The following WDR70 variants were observed in gnomAD, a reference collection of about 807,000 sequenced individuals.
The protein encoded by WDR70 is WD repeat domain 70.
A neutral mutation model predicts 88.6 loss-of-function variants in WDR70; 53 were observed. The ratio of observed to expected loss-of-function variants is 0.60; its 90% CI spans 0.48 to 0.75. The LOEUF is 0.75. Ranked by LOEUF, WDR70 falls within the 30% of genes least tolerant of loss-of-function variation. The pLI, the probability that WDR70 is intolerant of heterozygous loss-of-function variation, is 0.00. For synonymous variants in WDR70, 280 were observed against 270.0 expected (o/e 1.04, Z -0.36); for missense variants, 610 against 823.2 (o/e 0.74, Z 3.17).
chr5:37,660,393 TGA>T (rs1352679720), intron 10 of WDR70, among the ~76,000 whole-genome samples: 2 of 152,066 alleles, frequency 1.3e-5, no homozygotes, highest in East Asian at 1.9e-4. Context: ...TATCAATTAC[TGA>T]GAGAGGAATA....
chr5:37,450,975 C>T (rs535470124), intron 7 of WDR70, among the ~76,000 whole-genome samples: 17 of 152,070 alleles, frequency 1.1e-4, no homozygotes, highest in South Asian at 4.2e-4. Context: ...CTCGGCTCAC[C>T]GCAACCTCCA....
chr5:37,680,449 C>T (rs1278350337), intron 10 of WDR70, among the ~76,000 whole-genome samples: 4 of 152,078 alleles, frequency 2.6e-5, no homozygotes, highest in Non-Finnish European at 5.9e-5. Context: ...TTGCTTTTGG[C>T]ATGTTCATCA....
At chr5:37,603,031 A>G (rs1325425154) in intron 9 of WDR70, among the ~76,000 whole-genome samples, 4 of 152,198 alleles carry the variant, frequency 2.6e-5, no homozygotes, top group Admixed American at 6.5e-5. Context: ...TTCCATGTCC[A>G]TGGATTAGAA....
At chr5:37,701,030 CT>C (rs750429562) in intron 11 of WDR70, 27 bp from the exon 12 acceptor site, 146 of 1,457,080 alleles carry the variant, frequency 1.0e-4, no homozygotes, top group Non-Finnish European at 1.2e-4. Context: ...ACTTTTCTGT[CT>C]TTTTTTTCCC....
chr5:37,441,060 G>A (rs1239047452), intron 6 of WDR70, among the ~76,000 whole-genome samples: 3 of 152,202 alleles, frequency 2.0e-5, no homozygotes. Flanking sequence ...CACAAATGGA[G>A]TTGTAATTTT....
intron 5 of WDR70, among the ~76,000 whole-genome samples, chr5:37,402,944 G>GTTTTTTTTTTTTT (rs5867348): frequency 4.7e-5 from 4 of 84,372 alleles, no homozygotes; most frequent in Non-Finnish European, 6.1e-5. Flanking sequence ...CCCTCCCTCC[G>GTTTTTTTTTTTTT]TTTTTTTTTT....
intron 10 of WDR70, among the ~76,000 whole-genome samples, chr5:37,621,676 G>T (rs192771643): frequency 2.0e-5 from 3 of 152,092 alleles, no homozygotes; most frequent in Admixed American, 2.0e-4. Flanking sequence ...CATTCTGTAG[G>T]TTGCCTGTTC....
At chr5:37,457,086 A>C (rs569228445) in intron 7 of WDR70, among the ~76,000 whole-genome samples, 2 of 152,106 alleles carry the variant, frequency 1.3e-5, no homozygotes, top group Non-Finnish European at 2.9e-5. Context: ...TTTTTTCCGC[A>C]TAACACTTTG....
At chr5:37,385,386 G>T (rs941607118) in intron 3 of WDR70, among the ~76,000 whole-genome samples, 2 of 151,902 alleles carry the variant, frequency 1.3e-5, no homozygotes. Context: ...TGGGCATGGT[G>T]GTGCACACCT....
At chr5:37,493,149 A>G (rs75806270) in intron 8 of WDR70, among the ~76,000 whole-genome samples, 7,389 of 152,226 alleles carry the variant, frequency 0.049, 572 homozygotes, top group African/African-American at 0.16. Flanking sequence ...TTAATTTTCT[A>G]TTGCTCTGTA....
chr5:37,675,061 C>T (rs1483181019), intron 10 of WDR70, among the ~76,000 whole-genome samples: 1 of 151,778 alleles, frequency 6.6e-6, no homozygotes, highest in Non-Finnish European at 1.5e-5. Flanking sequence ...ATGTCCTTCG[C>T]CCACTTTTTG....
At chr5:37,682,304 T>C (rs1363170685) in intron 10 of WDR70, among the ~76,000 whole-genome samples, 1 of 152,318 alleles carries the variant, frequency 6.6e-6, no homozygotes, top group South Asian at 2.1e-4. Context: ...TTGTATTTAT[T>C]TGGGTCTTAG....
chr5:37,610,848 A>G (rs1236405770), intron 10 of WDR70, among the ~76,000 whole-genome samples: 1 of 152,196 alleles, frequency 6.6e-6, no homozygotes, highest in African/African-American at 2.4e-5. Flanking sequence ...CAGAGTAATA[A>G]TGTTCATAGT....
chr5:37,410,949 A>G (rs532121065), intron 5 of WDR70, among the ~76,000 whole-genome samples: 109 of 152,380 alleles, frequency 7.2e-4, no homozygotes, highest in Admixed American at 7.8e-4. Flanking sequence ...GCCTCAAGAT[A>G]GAGATGACTT....
rs1450139464 is a variant in WDR70, at chr5:37,457,342, C to A, written c.686+13970C>A. Among the ~76,000 whole-genome samples, 11 of 152,268 alleles carry A rather than the reference C, an allele frequency of 7.2e-5. No individual in the cohort carries two copies. The South Asian group carries it at 2.3e-3, about 32-fold the overall frequency. ...AACTCCTGACCTCAAGTGATCCACCCGCCTTGGCCTCCCAAAGTGCTGGGA... is the reference window on the plus strand; with the variant it reads ...AACTCCTGACCTCAAGTGATCCACCAGCCTTGGCCTCCCAAAGTGCTGGGA... On this transcript the variant is annotated intron_variant, in intron 7 of 17. Transcript: ENST00000265107.
chr5:37,614,620 A>G (rs778241362), intron 10 of WDR70, among the ~76,000 whole-genome samples: 2 of 152,196 alleles, frequency 1.3e-5, no homozygotes, highest in Admixed American at 6.5e-5. Context: ...ATTCATTTGT[A>G]TATTATCTGT....
At chr5:37,732,460 A>G (rs1368392684) in intron 17 of WDR70, among the ~76,000 whole-genome samples, 1 of 152,150 alleles carries the variant, frequency 6.6e-6, no homozygotes, top group African/African-American at 2.4e-5. Context: ...TCTTTCATAA[A>G]CAATACTGGA....
chr5:37,668,316 A>T (rs563801026), intron 10 of WDR70, among the ~76,000 whole-genome samples: 1 of 152,330 alleles, frequency 6.6e-6, no homozygotes, highest in South Asian at 2.1e-4. Flanking sequence ...TAATCAGATA[A>T]TATCTGCCTT....
intron 5 of WDR70, among the ~76,000 whole-genome samples, chr5:37,406,853 A>G (rs73749029): frequency 0.017 from 2,551 of 152,318 alleles, 60 homozygotes; most frequent in African/African-American, 0.058. Flanking sequence ...GGTAACAATC[A>G]TATTATTATT....
Sources: allele counts gnomAD v4.1 joint callset (sites outside exome capture counted in the v4.1 genomes callset), GRCh38; gene constraint gnomAD v4.1.1; transcripts MANE v1.5; gene names NCBI Gene and HGNC (gene_info 2026-07-23, HGNC 2026-07-21).